Variants in SORCS1 observed in about 807,000 individuals in gnomAD.
The protein encoded by SORCS1 is sortilin related VPS10 domain containing receptor 1.
Under a neutral mutation model 146.1 loss-of-function variants are expected in SORCS1, and 60 were observed. That is an observed-to-expected ratio of 0.41 (90% CI 0.33 to 0.51). The LOEUF (loss-of-function observed/expected upper bound fraction) is 0.51, where lower values mean the gene tolerates loss of function less well. Among genes scored for constraint, SORCS1 ranks in the 20% least tolerant of loss-of-function variants. The probability of loss-of-function intolerance (pLI) is 0.21; values close to 1 mark genes in which losing one functional copy is unlikely to be tolerated. For missense variants in SORCS1, 1,352 were observed against 1,487.6 expected (o/e 0.91, Z 1.50); for synonymous variants, 637 against 584.0 (o/e 1.09, Z -1.31).
chr10:106,893,273 A>G (rs1357227325), intron 2 of SORCS1, among the ~76,000 whole-genome samples: 17 of 152,196 alleles, frequency 1.1e-4, no homozygotes, highest in Admixed American at 1.1e-3. Context: ...CCTTCAATAA[A>G]TACCTTCAAA....
At chr10:106,933,291 C>A (rs915434242) in intron 2 of SORCS1, among the ~76,000 whole-genome samples, 1 of 152,140 alleles carries the variant, frequency 6.6e-6, no homozygotes, top group African/African-American at 2.4e-5. Flanking sequence ...TTTACACTAC[C>A]TGTGTCCTGG....
intron 2 of SORCS1, among the ~76,000 whole-genome samples, chr10:106,946,280 T>C (rs989408602): frequency 6.6e-5 from 10 of 152,194 alleles, no homozygotes; most frequent in African/African-American, 2.4e-4. Context: ...CAAATGAAAA[T>C]AAGACATGGT....
chr10:106,578,736 C>G lies in SORCS1; in HGVS notation c.3371+633G>C, dbSNP rs370120249. The G allele has an allele frequency of 9.7e-5, 107 of 1,105,512 alleles. No homozygotes were observed. In the East Asian group the frequency reaches 3.4e-3, roughly 35 times the overall value. The allele number at this position is 1,105,512 out of a possible 1,614,324, so 68.5% of individuals were successfully genotyped here. The stretch of plus-strand genomic sequence containing the variant: ...TGTCCTGCAAACCCTGCCCAGCCCT[C>G]TGGTCCACCAGCCTTAGCCTCTGAG... On this transcript the variant is annotated intron_variant, in intron 25 of 25. Transcript: ENST00000263054.
intron 6 of SORCS1, among the ~76,000 whole-genome samples, chr10:106,721,628 A>G (rs903389476): frequency 3.3e-5 from 5 of 152,236 alleles, no homozygotes; most frequent in Non-Finnish European, 1.5e-5. Context: ...AAACACAGGC[A>G]TTATGATACT....
In SORCS1 at chr10:106,955,262, C is replaced by T. The variant is rs1343593709; in HGVS notation, c.626+1251G>A. On this transcript the variant is annotated intron_variant, in intron 2 of 25. Transcript: ENST00000263054. Reference sequence around the variant, plus strand: ...TGCTGGTGTCCCCGAGTTTTTAAGGCGCCACCGCATTCCCCTCGTCCAGAC... The same window carrying T: ...TGCTGGTGTCCCCGAGTTTTTAAGGTGCCACCGCATTCCCCTCGTCCAGAC... Among the ~76,000 whole-genome samples the T allele has an allele frequency of 2.0e-5, 3 of 152,180 alleles. 1 individual carries two copies. Among genetic ancestry groups the T allele is most frequent in the South Asian group, 4.1e-4 (2 of 4,826 alleles).
chr10:106,688,205 A>G lies in SORCS1; in HGVS notation c.1547T>C (p.Val516Ala), dbSNP rs772190900. ...AGGAAGACTCACCAGCAAGCAGTGCACGGGGTCCCCCCTTAGATCCGTGTC... is the reference window on the plus strand; with the variant it reads ...AGGAAGACTCACCAGCAAGCAGTGCGCGGGGTCCCCCCTTAGATCCGTGTC... ...APDTDLRGDP[V>A]HCLLPYCSLH... Residue 516 changes from valine (V) to alanine (A), a missense_variant, in exon 10 of 26, where the codon GTG becomes GCG. Transcript: ENST00000263054. 6 of 1,613,756 alleles carry G rather than the reference A, an allele frequency of 3.7e-6. No individual in the cohort carries two copies. The South Asian group carries it at 6.6e-5, about 18-fold the overall frequency.
chr10:106,616,922 G>T (rs1847400344), intron 21 of SORCS1, among the ~76,000 whole-genome samples: 1 of 149,178 alleles, frequency 6.7e-6, no homozygotes, highest in African/African-American at 2.5e-5. Flanking sequence ...TGGACCACGA[G>T]CTAGGCTGTC....
intron 25 of SORCS1, chr10:106,579,025 G>T: frequency 6.3e-7 from 1 of 1,588,146 alleles, no homozygotes; most frequent in Non-Finnish European, 8.6e-7. Flanking sequence ...GCCAGAAAGG[G>T]GTTAGAGAGA....
intron 5 of SORCS1, among the ~76,000 whole-genome samples, chr10:106,730,403 C>T (rs1278106086): frequency 6.6e-6 from 1 of 152,180 alleles, no homozygotes; most frequent in Non-Finnish European, 1.5e-5. Flanking sequence ...TGGGTGTGTA[C>T]TCTTGCAACA....
In SORCS1 at chr10:106,666,893, T is replaced by C. The variant is rs1476094298; in HGVS notation, c.2303+796A>G. Among the ~76,000 whole-genome samples the C allele has an allele frequency of 2.6e-5, 4 of 152,122 alleles. No homozygotes were observed. The East Asian group carries it at 7.7e-4, about 29-fold the overall frequency. On this transcript the variant is annotated intron_variant, in intron 17 of 25. Coordinates refer to ENST00000263054, the MANE Select transcript of SORCS1 (RefSeq NM_052918.5). ...GCCAATAAATCTCTTTCTAAATAAA[T>C]ATACATCCTATTGGTTTTGTTTCTC... is the stretch of plus-strand genomic sequence containing the variant.
chr10:106,638,994 T>C (rs1027186057), intron 18 of SORCS1, among the ~76,000 whole-genome samples: 2 of 152,220 alleles, frequency 1.3e-5, no homozygotes, highest in Non-Finnish European at 1.5e-5. Context: ...TATACATATA[T>C]ATATTCTAAC....
chr10:106,772,212 T>A (rs1481357272), intron 4 of SORCS1, among the ~76,000 whole-genome samples: 1 of 152,134 alleles, frequency 6.6e-6, no homozygotes, highest in Non-Finnish European at 1.5e-5. Context: ...AATTCCCTCT[T>A]TCTTTTTGAG....
intron 10 of SORCS1, among the ~76,000 whole-genome samples, chr10:106,687,493 A>T (rs1852946735): frequency 6.6e-6 from 1 of 152,180 alleles, no homozygotes; most frequent in Non-Finnish European, 1.5e-5. Flanking sequence ...CACCAAACAA[A>T]GTCTCTCTCG....
At chr10:106,753,979 T>C (rs1858451482) in intron 5 of SORCS1, among the ~76,000 whole-genome samples, 1 of 152,234 alleles carries the variant, frequency 6.6e-6, no homozygotes, top group Non-Finnish European at 1.5e-5. Context: ...ATTTACCTTA[T>C]TTATTTCTCC....
intron 1 of SORCS1, among the ~76,000 whole-genome samples, chr10:107,070,944 GAGGCTTGCTACTGACCTC>G (rs911997947): frequency 3.3e-5 from 5 of 151,980 alleles, no homozygotes; most frequent in Admixed American, 3.3e-4. Flanking sequence ...TCCCATAAAC[GAGGCTTGCTACTGACCTC>G]AGTCAGTAAC....
chr10:106,729,968 A>G, intron 6 of SORCS1, 82 bp downstream of exon 6: 2 of 1,503,380 alleles, frequency 1.3e-6, no homozygotes, highest in Non-Finnish European at 9.3e-7. Context: ...ATACACCATG[A>G]GATTATTACA....
At chr10:106,954,987 C>T (rs987116771) in intron 2 of SORCS1, among the ~76,000 whole-genome samples, 10 of 152,218 alleles carry the variant, frequency 6.6e-5, no homozygotes, top group African/African-American at 1.4e-4. Flanking sequence ...CCTCTGTTGG[C>T]GCCAGGCAGC....
intron 18 of SORCS1, among the ~76,000 whole-genome samples, chr10:106,634,503 A>C (rs943413589): frequency 6.6e-6 from 1 of 152,230 alleles, no homozygotes; most frequent in African/African-American, 2.4e-5. Flanking sequence ...CACCTGCAAA[A>C]GGGTTTAAGA....
Position 106,588,599 on chromosome 10 carries a change from T to C in SORCS1, c.3265+8752A>G, listed in dbSNP as rs868782699. On this transcript the variant is annotated intron_variant, in intron 24 of 25. Transcript: ENST00000263054. ...TCCTGGGGCCGGGCGCGGTGGCTCA[T>C]GGCTGTAATCCCAGCACTTTGGGAG... is the stretch of plus-strand genomic sequence containing the variant. Among the ~76,000 whole-genome samples, 96 of 152,130 alleles carry C rather than the reference T, an allele frequency of 6.3e-4. 1 individual carries two copies. The highest frequency in any genetic ancestry group is 1.7e-3 in the African/African-American group (69 of 41,514).
Sources: gnomAD v4.1 joint callset for allele counts (sites outside exome capture counted in the v4.1 genomes callset) on GRCh38, gnomAD v4.1.1 for gene constraint, MANE v1.5 for transcripts, NCBI Gene and HGNC (gene_info 2026-07-23, HGNC 2026-07-21) for gene names.